HERC2: variants seen among roughly 807,000 people sequenced by gnomAD.
HERC2 encodes E3 ubiquitin-protein ligase HERC2.
A neutral mutation model predicts 537.7 loss-of-function variants in HERC2; 102 were observed. The observed-to-expected ratio is 0.19, with a 90% CI of 0.16 to 0.22. The LOEUF (loss-of-function observed/expected upper bound fraction) is 0.22, where lower values mean the gene tolerates loss of function less well. Among genes scored for constraint, HERC2 ranks in the 10% least tolerant of loss-of-function variants. HERC2 has a pLI of 1.00. For missense variants in HERC2, 4,236 were observed against 6,198.2 expected (o/e 0.68, Z 10.63); for synonymous variants, 2,224 against 2,466.2 (o/e 0.90, Z 2.91).
chr15:28,201,761 C>T (rs1320937024), intron 47 of HERC2, among the ~76,000 whole-genome samples: 2 of 152,086 alleles, frequency 1.3e-5, no homozygotes, highest in African/African-American at 4.8e-5. Context: ...ACAAAATTTC[C>T]AAGGCACTTC....
chr15:28,191,208 C>G lies in HERC2; in HGVS notation c.8488G>C (p.Val2830Leu). The change falls in exon 54 of 93, where the codon GTT (valine) becomes CTT (leucine). Residue 2830 changes from valine to leucine, a missense_variant. Val to Leu is a conservative substitution (Grantham distance 32). Coordinates refer to ENST00000261609, the MANE Select transcript of HERC2 (RefSeq NM_004667.6). ...IRLEIFPDVL[V>L]HRLKMIVDPA... Reference sequence around the variant, plus strand: ...TCTACGATCATTTTTAATCTATGAACAAGAACATCTGGGAAAATCTCCAAA... The same window carrying G: ...TCTACGATCATTTTTAATCTATGAAGAAGAACATCTGGGAAAATCTCCAAA... 2 of 1,613,796 alleles carry G rather than the reference C, an allele frequency of 1.2e-6. No homozygotes were observed. Among genetic ancestry groups the G allele is most frequent in the South Asian group, 2.2e-5 (2 of 90,984 alleles).
chr15:28,311,321 C>T (rs1208242058), intron 2 of HERC2, among the ~76,000 whole-genome samples: 1 of 152,238 alleles, frequency 6.6e-6, no homozygotes, highest in East Asian at 1.9e-4. Context: ...AAAAATTAAC[C>T]AGGCGTGGTG....
chr15:28,240,041 A>G (rs1301514161), intron 23 of HERC2, among the ~76,000 whole-genome samples: 1 of 142,598 alleles, frequency 7.0e-6, no homozygotes, highest in Non-Finnish European at 1.5e-5. Flanking sequence ...AGACAAGATA[A>G]TGATATTGTA....
intron 59 of HERC2, among the ~76,000 whole-genome samples, chr15:28,178,115 T>C (rs1020286980): frequency 6.7e-6 from 1 of 148,940 alleles, no homozygotes; most frequent in African/African-American, 2.5e-5. Flanking sequence ...ATTCTCCCCC[T>C]TCCTTACCAA....
chr15:28,299,443 C>T lies in HERC2; in HGVS notation c.146G>A (p.Gly49Glu), dbSNP rs542869033. 3.8e-6 allele frequency: 6 copies of T among 1,598,150 alleles called. No homozygotes were observed. In the East Asian group the frequency reaches 8.9e-5, roughly 24 times the overall value. The stretch of plus-strand genomic sequence containing the variant: ...CTCTCCGTTCTGGGTTGATTCTGTT[C>T]CAGTGTATACAATTTCTCCATCTTT... The part of the protein sequence containing the change: ...MVKDGEIVYT[G>E]TESTQNGELP... The change falls in exon 3 of 93, where the codon GGA (glycine) becomes GAA (glutamate). Residue 49 changes from glycine (G) to glutamate (E), a missense_variant. Transcript: ENST00000261609.
Position 28,176,285 on chromosome 15 carries a change from A to G in HERC2, c.9686+143T>C. On this transcript the variant is annotated intron_variant, in intron 63 of 92. Coordinates refer to ENST00000261609, the MANE Select transcript of HERC2 (RefSeq NM_004667.6). This position sits in a 1 kb window ranked among gnomAD's most constrained non-coding sequence, Gnocchi z 5.0. ...TACTATTGTCACTAATCCCAACTCA[A>G]TATCCTTTAAAGGACAAAGATGCAT... 1.5e-6 allele frequency: 1 copy of G among 664,326 alleles called. No individual in the cohort carries two copies. The allele number at this position is 664,326 out of a possible 1,614,324, so 41.2% of individuals were successfully genotyped here. A position where few individuals can be genotyped will look rare whatever the true frequency, so the allele number is the denominator to read the frequency against.
intron 83 of HERC2, 51 bp from the exon 84 acceptor site, chr15:28,125,244 G>T: frequency 6.9e-7 from 1 of 1,456,240 alleles, no homozygotes; most frequent in Non-Finnish European, 9.6e-7. Context: ...GCCAACAAAC[G>T]CATGGCTGCC....
intron 34 of HERC2, 121 bp downstream of exon 34, chr15:28,229,073 CA>C: frequency 2.1e-6 from 2 of 935,564 alleles, no homozygotes; most frequent in South Asian, 2.7e-5. Context: ...ATAGATTATA[CA>C]AGTACAAAGT....
chr15:28,116,206 A>G (rs912428881), intron 88 of HERC2, among the ~76,000 whole-genome samples: 13 of 144,574 alleles, frequency 9.0e-5, no homozygotes, highest in African/African-American at 3.0e-4. Flanking sequence ...ATCAATATTA[A>G]AAGTCTTTTC....
chr15:28,117,884 C>T (rs773030016), intron 86 of HERC2: 8 of 292,622 alleles, frequency 2.7e-5, no homozygotes, highest in Admixed American at 4.8e-5. Flanking sequence ...GGCAGGTGGC[C>T]GAGGCTGTGC....
chr15:28,137,495 T>G (rs1890772672), intron 78 of HERC2, among the ~76,000 whole-genome samples: 1 of 152,240 alleles, frequency 6.6e-6, no homozygotes, highest in Non-Finnish European at 1.5e-5. Context: ...GTTTTGATAA[T>G]TCTTGAAATA....
intron 2 of HERC2, among the ~76,000 whole-genome samples, chr15:28,303,947 C>A (rs1015368893): frequency 1.3e-5 from 2 of 152,118 alleles, no homozygotes; most frequent in Admixed American, 1.3e-4. Context: ...AGGCGGATCA[C>A]CTGAGGTCAG....
rs1337028898 is a variant in HERC2, at chr15:28,214,152, T to C, written c.6479A>G (p.Asn2160Ser). Residue 2160 changes from asparagine to serine, a missense_variant, in exon 41 of 93, where the codon AAT (asparagine) becomes AGT (serine). Asn to Ser is a conservative substitution (Grantham distance 46). Coordinates refer to ENST00000261609, the MANE Select transcript of HERC2 (RefSeq NM_004667.6). ...LRTLHSLTQW[N>S]GLINKYINSQ... ...GTTGATGTACTTGTTGATGAGCCCA[T>C]TCCACTGAGTCAGGGAGTGCAGCGT... 2 of 1,613,878 alleles carry C rather than the reference T, an allele frequency of 1.2e-6. No homozygotes were observed. The highest frequency in any genetic ancestry group is 1.3e-5 in the African/African-American group (1 of 75,058).
intron 68 of HERC2, among the ~76,000 whole-genome samples, chr15:28,166,464 AGAG>A (rs1894147469): frequency 6.6e-6 from 1 of 152,222 alleles, no homozygotes; most frequent in African/African-American, 2.4e-5. Flanking sequence ...CTATTTGCTG[AGAG>A]GGCCTAACCA....
At chr15:28,210,482 C>T (rs1219759219) in intron 44 of HERC2, among the ~76,000 whole-genome samples, 3 of 152,178 alleles carry the variant, frequency 2.0e-5, no homozygotes, top group Admixed American at 6.5e-5. Context: ...TAAAGTCCCA[C>T]GGAATGACTT....
At chr15:28,158,309 T>C (rs1596081026) in intron 69 of HERC2, among the ~76,000 whole-genome samples, 1 of 152,222 alleles carries the variant, frequency 6.6e-6, no homozygotes, top group African/African-American at 2.4e-5. Context: ...TTCTGTCTCA[T>C]GGATCTGTCT....
Position 28,238,139 on chromosome 15 carries a change from G to A in HERC2, c.3827C>T (p.Ala1276Val), listed in dbSNP as rs1451388678. ...CTCCAAATACTGGCCAACACAAAAC[G>A]CGTGCATGGATTCCCGGGTGTCTTC... Reference protein sequence around the residue: ...QFEDTRESMHAFCVGQYLEPD... With the variant: ...QFEDTRESMHVFCVGQYLEPD... The change falls in exon 25 of 93, where the codon GCG becomes GTG. Residue 1276 changes from alanine (A) to valine (V), a missense_variant. Ala to Val is a moderately conservative substitution (Grantham distance 64). Around this residue, in one of 27 missense-constraint regions of HERC2, gnomAD observed 754 missense variants for 1,085.0 expected, o/e 0.69. Transcript: ENST00000261609. 13 of 1,611,804 alleles carry A rather than the reference G, an allele frequency of 8.1e-6. No individual in the cohort carries two copies. The highest frequency in any genetic ancestry group is 3.3e-5 in the South Asian group (3 of 90,990).
rs1595966047 is a variant in HERC2, at chr15:28,114,924, C to T, written c.13723-122G>A. On this transcript the variant is annotated intron_variant, in intron 89 of 92. Coordinates refer to ENST00000261609, the MANE Select transcript of HERC2 (RefSeq NM_004667.6). The stretch of plus-strand genomic sequence containing the variant: ...GGTCAGCCTCAAGTGCATCTCGAGG[C>T]TGCAAGTGCATGGCACACACCAAGA... The T allele has an allele frequency of 9.5e-6, 7 of 737,266 alleles. No individual in the cohort carries two copies. The South Asian group carries it at 1.2e-4, about 13-fold the overall frequency. The allele number at this position is 737,266 out of a possible 1,614,324, so 45.7% of individuals were successfully genotyped here.
rs569235124 is a variant in HERC2 at position 28,206,872 on chromosome 15, G to A, written c.7070-490C>T. 3.4e-3 allele frequency among the ~76,000 whole-genome samples: 501 copies of A among 148,572 alleles called. 3 individuals carry two copies. The highest frequency in any genetic ancestry group is 4.9e-3 in the Non-Finnish European group (333 of 67,392). ...AAAAAAAAAAAAAAATTAACTGGGC[G>A]TGGTGGTGCGTGCCTGTAATCCCAG... On this transcript the variant is annotated intron_variant, in intron 44 of 92. Transcript: ENST00000261609.
Sources: allele counts gnomAD v4.1 joint callset (sites outside exome capture counted in the v4.1 genomes callset), GRCh38; gene constraint gnomAD v4.1.1; regional missense constraint gnomAD v4.1.1; non-coding constraint Gnocchi (gnomAD v3.1); transcripts MANE v1.5; gene names NCBI Gene and HGNC (gene_info 2026-07-23, HGNC 2026-07-21).